The following SLC44A5 variants were observed in gnomAD, a reference collection of about 807,000 sequenced individuals.
SLC44A5 encodes solute carrier family 44 member 5.
Under a neutral mutation model 101.8 loss-of-function variants are expected in SLC44A5, and 57 were observed. The observed-to-expected ratio is 0.56, with a 90% CI of 0.45 to 0.70. The LOEUF (loss-of-function observed/expected upper bound fraction) is 0.70, where lower values mean the gene tolerates loss of function less well. SLC44A5 is among the 30% of genes least tolerant of loss of function. The pLI, the probability that SLC44A5 is intolerant of heterozygous loss-of-function variation, is 0.00. For missense variants in SLC44A5, 737 were observed against 853.1 expected (o/e 0.86, Z 1.70); for synonymous variants, 281 against 290.9 (o/e 0.97, Z 0.35).
At chr1:75,679,661 C>T in the SLC44A5 span, among the ~76,000 whole-genome samples, 2,365 of 151,938 alleles carry the variant, frequency 0.016, 61 homozygotes, top group African/African-American at 0.053. Flanking sequence ...CAAAATCATG[C>T]CAAAATGTAA....
intron 2 of SLC44A5, among the ~76,000 whole-genome samples, chr1:75,443,237 G>T (rs991253197): frequency 2.6e-5 from 4 of 151,638 alleles, no homozygotes; most frequent in African/African-American, 9.7e-5. Context: ...TTGAACTTAA[G>T]AAGTCAGAAA....
chr1:75,525,765 G>A (rs1670373898), intron 2 of SLC44A5, among the ~76,000 whole-genome samples: 1 of 152,110 alleles, frequency 6.6e-6, no homozygotes, highest in Non-Finnish European at 1.5e-5. Flanking sequence ...TGGCATTGCA[G>A]TTATATGAAA....
At chr1:75,258,649 A>T (rs796868733) in intron 6 of SLC44A5, among the ~76,000 whole-genome samples, 5 of 152,224 alleles carry the variant, frequency 3.3e-5, no homozygotes, top group African/African-American at 1.2e-4. Flanking sequence ...AGAGCAGCAG[A>T]TCTCCCAGCA....
At chr1:75,368,743 CT>C (rs1471101527) in intron 3 of SLC44A5, among the ~76,000 whole-genome samples, 5 of 151,988 alleles carry the variant, frequency 3.3e-5, no homozygotes, top group Non-Finnish European at 7.4e-5. Flanking sequence ...TAAGAAATGT[CT>C]ATTATTGTCA....
At position 75,534,368 on chromosome 1, in the gene SLC44A5, G is replaced by A. The variant is rs1454467210; in HGVS notation, c.13+7067C>T. ...GAACCAAGACCTAAGCCAGCCTCCT[G>A]ATTCTGTCCAGGGCTCTCTGCCCCT... On this transcript the variant is annotated intron_variant, in intron 2 of 23. Coordinates refer to ENST00000370859, the MANE Select transcript of SLC44A5 (RefSeq NM_001130058.2). Among the ~76,000 whole-genome samples the A allele has an allele frequency of 2.6e-5, 4 of 152,130 alleles. No homozygotes were observed. In the East Asian group the frequency reaches 7.7e-4, roughly 29 times the overall value.
the SLC44A5 span, among the ~76,000 whole-genome samples, chr1:75,670,674 A>AG: frequency 6.6e-6 from 1 of 152,214 alleles, no homozygotes; most frequent in Non-Finnish European, 1.5e-5. Flanking sequence ...GAATTGGGGA[A>AG]GAAGAAGAGT....
intron 2 of SLC44A5, 102 bp from the exon 3 acceptor site, chr1:75,396,723 C>G (rs1297799593): frequency 2.3e-6 from 2 of 887,686 alleles, no homozygotes; most frequent in East Asian, 2.4e-5. Flanking sequence ...AGTCTTTAGA[C>G]TAACACACAA....
the SLC44A5 span, among the ~76,000 whole-genome samples, chr1:75,616,984 G>A: frequency 6.6e-6 from 1 of 152,106 alleles, no homozygotes; most frequent in Non-Finnish European, 1.5e-5. Flanking sequence ...TCATGTTCCT[G>A]GAGGAGCTGT....
chr1:75,669,016 G>A, the SLC44A5 span, among the ~76,000 whole-genome samples: 7,004 of 151,258 alleles, frequency 0.046, 771 homozygotes, highest in African/African-American at 0.16. Context: ...AAGAAGAAGT[G>A]AGAAGAAGAA....
intron 2 of SLC44A5, among the ~76,000 whole-genome samples, chr1:75,504,776 T>A (rs1259470968): frequency 6.6e-6 from 1 of 152,186 alleles, no homozygotes; most frequent in Non-Finnish European, 1.5e-5. Flanking sequence ...ACAAAAGTTT[T>A]CTGTAACTAG....
chr1:75,646,264 G>A, the SLC44A5 span, among the ~76,000 whole-genome samples: 1 of 142,810 alleles, frequency 7.0e-6, no homozygotes, highest in Non-Finnish European at 1.6e-5. Context: ...CTATCCATGA[G>A]CATGGAATGT....
chr1:75,505,000 C>A (rs1042203959), intron 2 of SLC44A5, among the ~76,000 whole-genome samples: 1 of 152,044 alleles, frequency 6.6e-6, no homozygotes, highest in Non-Finnish European at 1.5e-5. Flanking sequence ...CCTCTTCCCC[C>A]TCTCCCCTCT....
intron 2 of SLC44A5, among the ~76,000 whole-genome samples, chr1:75,530,423 A>C (rs1326668662): frequency 6.6e-6 from 1 of 152,242 alleles, no homozygotes; most frequent in Non-Finnish European, 1.5e-5. Flanking sequence ...TTTGAGTTAT[A>C]GAATGTGGAA....
chr1:75,678,940 A>G, the SLC44A5 span, among the ~76,000 whole-genome samples: 1 of 152,210 alleles, frequency 6.6e-6, no homozygotes, highest in Non-Finnish European at 1.5e-5. Context: ...GCTGAAAACG[A>G]AGGCTCGAGA....
intron 2 of SLC44A5, among the ~76,000 whole-genome samples, chr1:75,411,572 G>A (rs1358607270): frequency 6.6e-6 from 1 of 151,988 alleles, no homozygotes; most frequent in Non-Finnish European, 1.5e-5. Context: ...CACAAAAGGG[G>A]AAATAGAGGG....
At chr1:75,713,302 T>C in the SLC44A5 span, among the ~76,000 whole-genome samples, 2 of 152,162 alleles carry the variant, frequency 1.3e-5, no homozygotes, top group South Asian at 2.1e-4. Flanking sequence ...CATTGAGAAA[T>C]AGGAACAATC....
intron 1 of SLC44A5, among the ~76,000 whole-genome samples, chr1:75,560,408 T>C (rs537163487): frequency 6.6e-6 from 1 of 152,100 alleles, no homozygotes; most frequent in Non-Finnish European, 1.5e-5. Flanking sequence ...AGTAGATAAG[T>C]GGTTGTCTAG....
intron 2 of SLC44A5, 42 bp from the exon 3 acceptor site, chr1:75,396,663 C>G (rs1468839379): frequency 6.8e-7 from 1 of 1,478,630 alleles, no homozygotes; most frequent in Non-Finnish European, 9.5e-7. Context: ...TTTGTAGGGG[C>G]TGATGACTCT....
chr1:75,412,724 AT>A (rs1433842958), intron 2 of SLC44A5, among the ~76,000 whole-genome samples: 3 of 152,216 alleles, frequency 2.0e-5, no homozygotes, highest in Non-Finnish European at 4.4e-5. Flanking sequence ...TTTAAATTGT[AT>A]ACTGTTCTGA....
Sources: allele counts gnomAD v4.1 joint callset (sites outside exome capture counted in the v4.1 genomes callset), GRCh38; gene constraint gnomAD v4.1.1; transcripts MANE v1.5; gene names NCBI Gene and HGNC (gene_info 2026-07-23, HGNC 2026-07-21).